The following TNFRSF19 variants were observed in gnomAD, a reference collection of about 807,000 sequenced individuals.
TNFRSF19 encodes tumor necrosis factor receptor superfamily member 19.
A neutral mutation model predicts 46.4 loss-of-function variants in TNFRSF19; 27 were observed. The ratio of observed to expected loss-of-function variants is 0.58; its 90% CI spans 0.43 to 0.80. The LOEUF (loss-of-function observed/expected upper bound fraction) is 0.80, where lower values mean the gene tolerates loss of function less well. Among genes scored for constraint, TNFRSF19 ranks in the 30% least tolerant of loss-of-function variants. The probability of loss-of-function intolerance (pLI) is 0.00; values close to 1 mark genes in which losing one functional copy is unlikely to be tolerated. For synonymous variants in TNFRSF19, 204 were observed against 205.0 expected (o/e 1.00, Z 0.04); for missense variants, 511 against 530.8 (o/e 0.96, Z 0.37).
At position 23,668,949 on chromosome 13, in the gene TNFRSF19, C is replaced by G; in HGVS notation, c.1097C>G (p.Ser366Cys). The change falls in exon 9 of 10, where the codon TCT becomes TGT. Residue 366 changes from serine to cysteine, a missense_variant. Physicochemically the swap from Ser to Cys is moderately radical, Grantham distance 112. Around this residue, in one of 3 missense-constraint regions of TNFRSF19, gnomAD observed 376 missense variants for 372.7 expected, o/e 1.01. Transcript: ENST00000248484. ...VGGAVPVQSH[S>C]ENFTAATDLS... Reference sequence around the variant, plus strand: ...GGGGCTGTTCCAGTCCAGTCTCATTCTGAAAACTTTACAGCAGCTACTGAT... The same window carrying G: ...GGGGCTGTTCCAGTCCAGTCTCATTGTGAAAACTTTACAGCAGCTACTGAT... The G allele has an allele frequency of 1.2e-6, 2 of 1,614,250 alleles. No individual in the cohort carries two copies. The highest frequency in any genetic ancestry group is 1.7e-6 in the Non-Finnish European group (2 of 1,180,050).
chr13:23,594,108 A>T, intron 3 of TNFRSF19: 1 of 350,720 alleles, frequency 2.9e-6, no homozygotes. Context: ...TGCAACCCAC[A>T]GACCAGGAGA....
chr13:23,653,030 T>C (rs956654660), intron 5 of TNFRSF19, among the ~76,000 whole-genome samples: 1 of 152,228 alleles, frequency 6.6e-6, no homozygotes, highest in Non-Finnish European at 1.5e-5. Context: ...CTGTCTCGTA[T>C]TTAGCAGTTC....
chr13:23,610,050 G>C lies in TNFRSF19; in HGVS notation c.181-5817G>C, dbSNP rs116959671. 8.4e-3 allele frequency among the ~76,000 whole-genome samples: 1,274 copies of C among 152,322 alleles called. 28 individuals are homozygous for C. Among genetic ancestry groups the C allele is most frequent in the East Asian group, 0.077 (398 of 5,192 alleles). ...GCAACATAAATCTAATTTGTCATTT[G>C]CATTTGCATGCCCTAGATTCTCCCT... On this transcript the variant is annotated intron_variant, in intron 3 of 9. Coordinates refer to ENST00000248484, the MANE Select transcript of TNFRSF19 (RefSeq NM_148957.4).
chr13:23,656,476 A>G (rs1422081842), intron 5 of TNFRSF19, among the ~76,000 whole-genome samples: 1 of 152,222 alleles, frequency 6.6e-6, no homozygotes, highest in Non-Finnish European at 1.5e-5. Context: ...AAAGGACTCT[A>G]ATTATGATAC....
At chr13:23,573,044 T>C (rs779296503) in intron 1 of TNFRSF19, among the ~76,000 whole-genome samples, 10 of 152,198 alleles carry the variant, frequency 6.6e-5, no homozygotes, top group Non-Finnish European at 1.5e-4. Context: ...ATAAGCAGAA[T>C]TGGAATTTTT....
chr13:23,595,121 C>A lies in TNFRSF19; in HGVS notation c.180+1666C>A, dbSNP rs1232731610. Among the ~76,000 whole-genome samples, 5 of 152,298 alleles carry A rather than the reference C, an allele frequency of 3.3e-5. No homozygotes were observed. The South Asian group carries it at 6.2e-4, about 19-fold the overall frequency. ...ATCCAAAGGTCACCAGCATCAAAGA[C>A]TAAAGGTAGATAAATCCACAAAGAT... On this transcript the variant is annotated intron_variant, in intron 3 of 9. Transcript: ENST00000248484.
intron 7 of TNFRSF19, among the ~76,000 whole-genome samples, chr13:23,667,752 C>T (rs990374285): frequency 1.3e-5 from 2 of 152,032 alleles, no homozygotes; most frequent in African/African-American, 4.8e-5. Flanking sequence ...AGCCCCCTAG[C>T]ATCCCCCCTT....
At position 23,669,024 on chromosome 13, in the gene TNFRSF19, C is replaced by T. The variant is rs373236855; in HGVS notation, c.1172C>T (p.Ala391Val). 3 of 1,614,082 alleles carry T rather than the reference C, an allele frequency of 1.9e-6. No individual in the cohort carries two copies. The highest frequency in any genetic ancestry group is 2.5e-6 in the Non-Finnish European group (3 of 1,180,044). The part of the protein sequence containing the change: ...TLVESASTQD[A>V]LTMRSQLDQE... ...GTAGAATCAGCATCAACTCAGGATG[C>T]ACTAACTATGAGAAGCCAGCTAGAT... The change falls in exon 9 of 10, where the codon GCA becomes GTA. Residue 391 changes from alanine (A) to valine (V), a missense_variant. Transcript: ENST00000248484.
chr13:23,663,538 G>A (rs544009607), intron 7 of TNFRSF19, among the ~76,000 whole-genome samples: 1 of 152,308 alleles, frequency 6.6e-6, no homozygotes, highest in East Asian at 1.9e-4. Context: ...CATAGAATGA[G>A]TTAGGAAGGA....
intron 5 of TNFRSF19, among the ~76,000 whole-genome samples, chr13:23,633,959 G>A (rs1215592019): frequency 6.6e-6 from 1 of 152,158 alleles, no homozygotes; most frequent in Non-Finnish European, 1.5e-5. Flanking sequence ...AATGTAATTG[G>A]TTTATATAAT....
chr13:23,637,157 C>A (rs1254260414), intron 5 of TNFRSF19, among the ~76,000 whole-genome samples: 2 of 152,032 alleles, frequency 1.3e-5, no homozygotes, highest in African/African-American at 2.4e-5. Context: ...TGATTTTAGG[C>A]CCGGGGGACA....
chr13:23,604,452 A>G (rs920146838), intron 3 of TNFRSF19, among the ~76,000 whole-genome samples: 2 of 152,152 alleles, frequency 1.3e-5, no homozygotes, highest in African/African-American at 4.8e-5. Context: ...TATAGATTCA[A>G]TGGAATCCCA....
Position 23,675,563 on chromosome 13 carries a change from C to G in TNFRSF19, c.*2183C>G, listed in dbSNP as rs567328162. On this transcript the variant is annotated 3_prime_UTR_variant, in exon 10 of 10. Coordinates refer to ENST00000248484, the MANE Select transcript of TNFRSF19 (RefSeq NM_148957.4). ...TCAAGATGAAGACATTTTACCCTAC[C>G]TACTCTAGAAATATACAACAATGTT... 3 of 152,186 alleles carry G rather than the reference C, an allele frequency of 2.0e-5. No individual in the cohort carries two copies. The highest frequency in any genetic ancestry group is 1.9e-4 in the East Asian group (1 of 5,194). 9.4% of individuals were successfully genotyped at this position (152,186 alleles called of 1,614,324 possible).
At chr13:23,624,019 A>G (rs1056555335) in intron 4 of TNFRSF19, among the ~76,000 whole-genome samples, 6 of 152,202 alleles carry the variant, frequency 3.9e-5, no homozygotes, top group African/African-American at 1.4e-4. Flanking sequence ...TTAAGAAATC[A>G]TTGCCATAAC....
intron 3 of TNFRSF19, among the ~76,000 whole-genome samples, chr13:23,601,835 T>C (rs1880183964): frequency 1.3e-5 from 2 of 152,162 alleles, no homozygotes; most frequent in African/African-American, 4.8e-5. Flanking sequence ...TAGTGCAACC[T>C]CTAGGGCAAC....
chr13:23,606,067 A>C (rs1048927338), intron 3 of TNFRSF19, among the ~76,000 whole-genome samples: 1 of 152,130 alleles, frequency 6.6e-6, no homozygotes, highest in Non-Finnish European at 1.5e-5. Flanking sequence ...TGTAAGGACT[A>C]TCTCTCTACC....
chr13:23,664,340 T>C (rs1951581137), intron 7 of TNFRSF19, among the ~76,000 whole-genome samples: 1 of 152,202 alleles, frequency 6.6e-6, no homozygotes, highest in South Asian at 2.1e-4. Flanking sequence ...CTTCTATTTT[T>C]ATTGCACTGT....
intron 2 of TNFRSF19, 112 bp from the exon 3 acceptor site, chr13:23,593,233 G>C: frequency 1.7e-6 from 1 of 594,412 alleles, no homozygotes. Context: ...GACTTGAACT[G>C]ATATTTACAT....
Position 23,590,486 on chromosome 13 carries a change from C to T in TNFRSF19, c.69+234C>T, listed in dbSNP as rs187082569. Among the ~76,000 whole-genome samples, 459 of 152,246 alleles carry T rather than the reference C, an allele frequency of 3.0e-3. 3 individuals are homozygous for T. The highest frequency in any genetic ancestry group is 0.011 in the African/African-American group (437 of 41,536). On this transcript the variant is annotated intron_variant, in intron 2 of 9. Coordinates refer to ENST00000248484, the MANE Select transcript of TNFRSF19 (RefSeq NM_148957.4). Reference sequence around the variant, plus strand: ...AGTCACTGGGATTACAGGCACCCACCACCACTCCCAGCTAATTTTTGTATT... The same window carrying T: ...AGTCACTGGGATTACAGGCACCCACTACCACTCCCAGCTAATTTTTGTATT...
Sources: gnomAD v4.1 joint callset for allele counts (sites outside exome capture counted in the v4.1 genomes callset) on GRCh38, gnomAD v4.1.1 for gene constraint, gnomAD v4.1.1 regional missense constraint, MANE v1.5 for transcripts, NCBI Gene and HGNC (gene_info 2026-07-23, HGNC 2026-07-21) for gene names.